Variants in FRMD4A observed in about 807,000 individuals in gnomAD.
FRMD4A encodes the protein FERM domain-containing protein 4A.
FRMD4A carries 29 observed loss-of-function variants against 129.1 expected under a neutral mutation model. That is an observed-to-expected ratio of 0.22 (90% CI 0.17 to 0.31). The LOEUF (loss-of-function observed/expected upper bound fraction) is 0.31. Ranked by LOEUF, FRMD4A falls within the 10% of genes least tolerant of loss-of-function variation. The pLI, the probability that FRMD4A is intolerant of heterozygous loss-of-function variation, is 1.00. For missense variants in FRMD4A, 1,272 were observed against 1,375.8 expected (o/e 0.92, Z 1.19); for synonymous variants, 634 against 571.6 (o/e 1.11, Z -1.56).
intron 2 of FRMD4A, among the ~76,000 whole-genome samples, chr10:14,144,021 G>T (rs1839963298): frequency 1.3e-5 from 2 of 152,152 alleles, no homozygotes; most frequent in Admixed American, 6.5e-5. Flanking sequence ...GTACAAAGGG[G>T]ATGGGAGGTT....
chr10:14,125,765 A>T (rs944612370), intron 2 of FRMD4A, among the ~76,000 whole-genome samples: 1 of 152,338 alleles, frequency 6.6e-6, no homozygotes, highest in East Asian at 1.9e-4. Context: ...GCACGCGCAC[A>T]CATACACGGC....
chr10:14,014,226 G>A (rs146033129), intron 2 of FRMD4A, among the ~76,000 whole-genome samples: 1 of 152,158 alleles, frequency 6.6e-6, no homozygotes, highest in Non-Finnish European at 1.5e-5. Flanking sequence ...GTGAAGAAGA[G>A]AAGAGGAGCA....
intron 14 of FRMD4A, among the ~76,000 whole-genome samples, chr10:13,699,385 C>A (rs1228092144): frequency 6.6e-6 from 1 of 152,008 alleles, no homozygotes; most frequent in East Asian, 1.9e-4. Context: ...CCAATAATTT[C>A]CTTTTGAGAT....
At chr10:14,202,172 G>T (rs1842657258) in intron 2 of FRMD4A, among the ~76,000 whole-genome samples, 1 of 151,926 alleles carries the variant, frequency 6.6e-6, no homozygotes, top group Non-Finnish European at 1.5e-5. Context: ...GAGAGCCATT[G>T]GATTCTGGTA....
intron 8 of FRMD4A, among the ~76,000 whole-genome samples, chr10:13,757,416 C>T (rs1300952028): frequency 1.3e-5 from 2 of 152,146 alleles, no homozygotes; most frequent in African/African-American, 4.8e-5. Context: ...ATTTGTCCTC[C>T]ATTTGGTAGA....
chr10:13,903,972 G>T (rs1485317802), intron 2 of FRMD4A, among the ~76,000 whole-genome samples: 2 of 152,176 alleles, frequency 1.3e-5, no homozygotes, highest in African/African-American at 2.4e-5. Context: ...AATTCTGATG[G>T]AAATGCTTCC....
intron 2 of FRMD4A, among the ~76,000 whole-genome samples, chr10:14,290,869 T>A (rs1845829954): frequency 6.6e-6 from 1 of 152,072 alleles, no homozygotes; most frequent in Non-Finnish European, 1.5e-5. Context: ...AAATATATGA[T>A]AAATGACTTA....
chr10:13,919,665 C>T (rs551384307), intron 2 of FRMD4A, among the ~76,000 whole-genome samples: 20 of 152,028 alleles, frequency 1.3e-4, no homozygotes, highest in East Asian at 7.7e-4. Context: ...AGGCCAGTCG[C>T]GGTGGCTGAA....
intron 2 of FRMD4A, among the ~76,000 whole-genome samples, chr10:14,143,611 G>T (rs1202936042): frequency 6.6e-6 from 1 of 152,228 alleles, no homozygotes; most frequent in African/African-American, 2.4e-5. Context: ...GTTTTTTGTT[G>T]TTGTTGTTGT....
chr10:14,205,703 A>G (rs1266713617), intron 2 of FRMD4A, among the ~76,000 whole-genome samples: 3 of 146,768 alleles, frequency 2.0e-5, no homozygotes, highest in African/African-American at 7.6e-5. Context: ...GCTACTCAGG[A>G]GGCTGAGGTG....
chr10:14,021,409 C>A (rs1350373580), intron 2 of FRMD4A, among the ~76,000 whole-genome samples: 1 of 151,040 alleles, frequency 6.6e-6, no homozygotes, highest in South Asian at 2.1e-4. Context: ...ATAAAAAAAA[C>A]AGCTGGGCAT....
intron 2 of FRMD4A, among the ~76,000 whole-genome samples, chr10:14,167,191 C>T (rs1046837736): frequency 5.3e-5 from 8 of 152,106 alleles, no homozygotes; most frequent in African/African-American, 9.6e-5. Context: ...ATCATTTCTC[C>T]GCAGAAAATA....
At chr10:13,926,633 T>G (rs2095136324) in intron 2 of FRMD4A, among the ~76,000 whole-genome samples, 1 of 152,168 alleles carries the variant, frequency 6.6e-6, no homozygotes. Context: ...AAACAGAGTT[T>G]TGATTGTAGT....
intron 15 of FRMD4A, chr10:13,675,820 G>A (rs1253048066): frequency 6.6e-6 from 1 of 152,116 alleles, no homozygotes; most frequent in Non-Finnish European, 1.5e-5. Flanking sequence ...ATAAGAAATA[G>A]TCCATTAACT....
In FRMD4A at chr10:14,330,158, G is replaced by T; in HGVS notation, c.-56C>A. Reference sequence around the variant, plus strand: ...GCCGAGTCAGTCCTCCTGGGCCCCGGGTGGCTACAGAGCATCCAAAAGCAC... The same window carrying T: ...GCCGAGTCAGTCCTCCTGGGCCCCGTGTGGCTACAGAGCATCCAAAAGCAC... On this transcript the variant is annotated 5_prime_UTR_variant, in exon 2 of 25. Coordinates refer to ENST00000357447, the MANE Select transcript of FRMD4A (RefSeq NM_018027.5). The T allele has an allele frequency of 6.5e-7, 1 of 1,532,136 alleles. No individual in the cohort carries two copies. Among genetic ancestry groups the T allele is most frequent in the Non-Finnish European group, 8.8e-7 (1 of 1,130,928 alleles). The allele number at this position is 1,532,136 out of a possible 1,614,324, so 94.9% of individuals were successfully genotyped here.
chr10:14,311,962 G>T lies in FRMD4A; in HGVS notation c.45+18096C>A, dbSNP rs368731958. On this transcript the variant is annotated intron_variant, in intron 2 of 24. Coordinates refer to ENST00000357447, the MANE Select transcript of FRMD4A (RefSeq NM_018027.5). ...AATTTTTCTTATATGGAACTCCCTGGTGTTAAACAATTACCAGGGCTCAGC... is the reference window on the plus strand; with the variant it reads ...AATTTTTCTTATATGGAACTCCCTGTTGTTAAACAATTACCAGGGCTCAGC... Among the ~76,000 whole-genome samples the T allele has an allele frequency of 2.0e-5, 3 of 152,206 alleles. No homozygotes were observed. The East Asian group carries it at 5.8e-4, about 29-fold the overall frequency.
intron 2 of FRMD4A, among the ~76,000 whole-genome samples, chr10:14,030,234 G>A (rs771606410): frequency 6.6e-6 from 1 of 152,190 alleles, no homozygotes; most frequent in African/African-American, 2.4e-5. Flanking sequence ...AATTTGCTGA[G>A]AGGATAGATC....
chr10:13,664,224 A>C (rs2082845322), intron 18 of FRMD4A, among the ~76,000 whole-genome samples: 1 of 152,234 alleles, frequency 6.6e-6, no homozygotes, highest in African/African-American at 2.4e-5. Flanking sequence ...TATCTCTAAA[A>C]TAATACGCTA....
chr10:13,881,724 G>A (rs1218828902), intron 2 of FRMD4A, among the ~76,000 whole-genome samples: 1 of 152,050 alleles, frequency 6.6e-6, no homozygotes, highest in Non-Finnish European at 1.5e-5. Context: ...CCCCTAAAAA[G>A]CGACGGTGGG....
Sources: allele counts gnomAD v4.1 joint callset (sites outside exome capture counted in the v4.1 genomes callset), GRCh38; gene constraint gnomAD v4.1.1; transcripts MANE v1.5; gene names NCBI Gene and HGNC (gene_info 2026-07-23, HGNC 2026-07-21).